IKZF2: variants seen among roughly 807,000 people sequenced by gnomAD.
The protein encoded by IKZF2 is IKAROS family zinc finger 2, also known as zinc finger protein Helios.
In IKZF2, 15 loss-of-function variants were observed where a neutral mutation model predicts 49.2. That is an observed-to-expected ratio of 0.30 (90% CI 0.20 to 0.47). The LOEUF is 0.47. Ranked by LOEUF, IKZF2 falls within the 20% of genes least tolerant of loss-of-function variation. The pLI is 1.00. For synonymous variants in IKZF2, 227 were observed against 221.4 expected, an observed-to-expected ratio of 1.03 and a Z score of -0.23; for missense variants, 567 against 664.6, an observed-to-expected ratio of 0.85 and a Z score of 1.61.
intron 8 of IKZF2, among the ~76,000 whole-genome samples, chr2:213,008,592 T>C (rs927020365): frequency 3.3e-5 from 5 of 152,080 alleles, no homozygotes; most frequent in African/African-American, 9.7e-5. Flanking sequence ...GCCATTTGCA[T>C]TTGTTCTGAT....
chr2:213,091,079 G>A (rs12614406), intron 4 of IKZF2, among the ~76,000 whole-genome samples: 53,290 of 152,022 alleles, frequency 0.35, 11,735 homozygotes, highest in East Asian at 0.72. Flanking sequence ...AAAGGTGCCA[G>A]AGGACCAGAG....
rs1470586873 is a variant in IKZF2, at chr2:213,007,672, G to A, written c.1269C>T (p.His423=). Residue 423 remains histidine (H), a synonymous_variant, in exon 9 of 9, where the codon CAC becomes CAT. Coordinates refer to ENST00000434687, the MANE Select transcript of IKZF2 (RefSeq NM_001387220.1). ...GTTTCCTCTTGGGATTTAAGGCAGGGTGTCCTTGGTAGGACTGGTGGTCAT... is the reference window on the plus strand; with the variant it reads ...GTTTCCTCTTGGGATTTAAGGCAGGATGTCCTTGGTAGGACTGGTGGTCAT... The part of the protein sequence containing the change: ...SHDDHQSYQG[H]PALNPKRKQS... 6.2e-7 allele frequency: 1 copy of A among 1,613,736 alleles called. No individual in the cohort carries two copies. The highest frequency in any genetic ancestry group is 8.5e-7 in the Non-Finnish European group (1 of 1,179,756).
chr2:213,138,353 G>T (rs570084216), intron 4 of IKZF2, among the ~76,000 whole-genome samples: 1 of 151,982 alleles, frequency 6.6e-6, no homozygotes, highest in African/African-American at 2.4e-5. Flanking sequence ...CAGCTTTTGG[G>T]ACCAATTTGA....
chr2:213,021,995 T>A lies in IKZF2; in HGVS notation c.710A>T (p.His237Leu). Residue 237 changes from histidine to leucine, a missense_variant and splice_region_variant, in exon 7 of 9, where the codon CAT becomes CTT. Physicochemically the swap from His to Leu is moderately conservative, Grantham distance 99. Coordinates refer to ENST00000434687, the MANE Select transcript of IKZF2 (RefSeq NM_001387220.1). ...MEAAGQVMSH[H>L]VPPMEDCKEQ... is the part of the protein sequence containing the mutation. ...TGATGAATCCAGTTTCTACCCACCA[T>A]GGTGACTCATGACCTGCCCAGCAGC... 6.2e-7 allele frequency: 1 copy of A among 1,607,972 alleles called. No individual in the cohort carries two copies. The highest frequency in any genetic ancestry group is 8.5e-7 in the Non-Finnish European group (1 of 1,178,142).
rs756235668 is a variant in IKZF2 at position 213,067,840 on chromosome 2, C to T, written c.140-10741G>A. Among the ~76,000 whole-genome samples, 50 of 152,152 alleles carry T rather than the reference C, an allele frequency of 3.3e-4. 1 individual carries two copies. The Middle Eastern group carries it at 0.014, about 42-fold the overall frequency. ...GAGCAATACAAGGATTCATAAGCCC[C>T]ACACCACCATGCCAGAATATTCAGC... is the stretch of plus-strand genomic sequence containing the variant. On this transcript the variant is annotated intron_variant, in intron 4 of 8. Transcript: ENST00000434687.
intron 4 of IKZF2, among the ~76,000 whole-genome samples, chr2:213,072,441 T>C (rs1222643507): frequency 6.6e-6 from 1 of 152,066 alleles, no homozygotes; most frequent in African/African-American, 2.4e-5. Flanking sequence ...TAGTAAGGAA[T>C]AATGCAGTAG....
intron 7 of IKZF2, among the ~76,000 whole-genome samples, chr2:213,019,184 T>G (rs1371869455): frequency 2.0e-5 from 3 of 152,116 alleles, no homozygotes; most frequent in Non-Finnish European, 4.4e-5. Context: ...GAAAAACATG[T>G]TTTAGAAAAG....
chr2:213,147,701 G>T lies in IKZF2; in HGVS notation c.139+7C>A. The T allele has an allele frequency of 6.2e-7, 1 of 1,606,002 alleles. No homozygotes were observed. Among genetic ancestry groups the T allele is most frequent in the South Asian group, 1.1e-5 (1 of 90,938 alleles). On this transcript the variant is annotated splice_region_variant and intron_variant, in intron 4 of 8. Coordinates refer to ENST00000434687, the MANE Select transcript of IKZF2 (RefSeq NM_001387220.1). ...ACACAAAAAAAAATCATAAAATGAAGACTTACTGCTTGTCATGTGACTTGG... is the reference window on the plus strand; with the variant it reads ...ACACAAAAAAAAATCATAAAATGAATACTTACTGCTTGTCATGTGACTTGG...
At chr2:213,039,750 T>C (rs1699428015) in intron 6 of IKZF2, among the ~76,000 whole-genome samples, 1 of 152,126 alleles carries the variant, frequency 6.6e-6, no homozygotes, top group Non-Finnish European at 1.5e-5. Flanking sequence ...TTATATCATA[T>C]GCTCAATGCT....
intron 8 of IKZF2, among the ~76,000 whole-genome samples, chr2:213,008,816 T>C (rs1235785698): frequency 6.6e-6 from 1 of 152,044 alleles, no homozygotes; most frequent in African/African-American, 2.4e-5. Flanking sequence ...GGTTATAACA[T>C]ATGGCACCTC....
intron 4 of IKZF2, among the ~76,000 whole-genome samples, chr2:213,112,417 A>T (rs1215261872): frequency 6.7e-6 from 1 of 149,516 alleles, no homozygotes; most frequent in Non-Finnish European, 1.5e-5. Context: ...ATGTTTATGA[A>T]AATGGCTTAA....
In IKZF2 at chr2:213,001,617, A is replaced by G. The variant is rs1436104825; in HGVS notation, c.*5743T>C. On this transcript the variant is annotated 3_prime_UTR_variant, in exon 9 of 9. Transcript: ENST00000434687. Reference sequence around the variant, plus strand: ...GATTATACAACCAACAAAAATCACGAAAAAAAAATTAAGATTAAATTACCA... The same window carrying G: ...GATTATACAACCAACAAAAATCACGGAAAAAAAATTAAGATTAAATTACCA... The G allele has an allele frequency of 6.6e-6, 1 of 150,986 alleles. No individual in the cohort carries two copies. Among genetic ancestry groups the G allele is most frequent in the Non-Finnish European group, 1.5e-5 (1 of 67,308 alleles). The allele number at this position is 150,986 out of a possible 1,614,324, so 9.4% of individuals were successfully genotyped here.
In IKZF2 at chr2:213,022,130, A is replaced by G; in HGVS notation, c.575T>C (p.Val192Ala). Residue 192 changes from valine to alanine, a missense_variant and splice_region_variant, in exon 7 of 9, where the codon GTG becomes GCG. Coordinates refer to ENST00000434687, the MANE Select transcript of IKZF2 (RefSeq NM_001387220.1). Reference sequence around the variant, plus strand: ...GTAGTTGCACTTGTGAGGTTTACCCACTGTGAAGAGAACTCAAGGTCAGTG... The same window carrying G: ...GTAGTTGCACTTGTGAGGTTTACCCGCTGTGAAGAGAACTCAAGGTCAGTG... ...ALTGHLRTHS[V>A]GKPHKCNYCG... 1.2e-6 allele frequency: 2 copies of G among 1,601,328 alleles called. No homozygotes were observed. The highest frequency in any genetic ancestry group is 1.7e-6 in the Non-Finnish European group (2 of 1,174,170).
intron 5 of IKZF2, among the ~76,000 whole-genome samples, chr2:213,051,528 C>T (rs895331739): frequency 6.6e-6 from 1 of 151,898 alleles, no homozygotes; most frequent in African/African-American, 2.4e-5. Context: ...TATATCTCCT[C>T]ATATAAAGTC....
intron 4 of IKZF2, among the ~76,000 whole-genome samples, chr2:213,131,870 A>G (rs2060483795): frequency 6.6e-6 from 1 of 152,212 alleles, no homozygotes; most frequent in Admixed American, 6.5e-5. Context: ...TAATGCATTC[A>G]GTCAATCAGA....
chr2:213,013,029 T>C (rs1225966549), intron 8 of IKZF2, among the ~76,000 whole-genome samples: 1 of 151,948 alleles, frequency 6.6e-6, no homozygotes, highest in Non-Finnish European at 1.5e-5. Flanking sequence ...GATGCCAACA[T>C]TGGGCGTATC....
intron 2 of IKZF2, among the ~76,000 whole-genome samples, chr2:213,149,228 G>GCA (rs1348287227): frequency 6.6e-6 from 1 of 152,104 alleles, no homozygotes; most frequent in African/African-American, 2.4e-5. Flanking sequence ...TTCTGTGTAA[G>GCA]CACCTGTTCA....
Position 213,049,761 on chromosome 2 carries a change from C to T in IKZF2, c.526G>A (p.Ala176Thr), listed in dbSNP as rs753031929. The change falls in exon 6 of 9, where the codon GCC becomes ACC. Residue 176 changes from alanine to threonine, a missense_variant. Coordinates refer to ENST00000434687, the MANE Select transcript of IKZF2 (RefSeq NM_001387220.1). ...GTGAGGGCGTCCCTTCTTCTACAGG[C>T]GTAGCTACAGAAAGGACATTTGAAC... ...KPFKCPFCSY[A>T]CRRRDALTGH... 3 of 1,610,018 alleles carry T rather than the reference C, an allele frequency of 1.9e-6. No homozygotes were observed. Among genetic ancestry groups the T allele is most frequent in the Non-Finnish European group, 1.7e-6 (2 of 1,177,608 alleles).
At chr2:213,143,076 G>A (rs1466133100) in intron 4 of IKZF2, among the ~76,000 whole-genome samples, 1 of 151,878 alleles carries the variant, frequency 6.6e-6, no homozygotes, top group Non-Finnish European at 1.5e-5. Flanking sequence ...CTCATTTTAG[G>A]ACTGGAACTC....
Sources: gnomAD v4.1 joint callset for allele counts (sites outside exome capture counted in the v4.1 genomes callset) on GRCh38, gnomAD v4.1.1 for gene constraint, MANE v1.5 for transcripts, NCBI Gene and HGNC (gene_info 2026-07-23, HGNC 2026-07-21) for gene names.